Variants in TBX15 observed in about 807,000 individuals in gnomAD.
TBX15 encodes T-box transcription factor 15.
Under a neutral mutation model 53.9 loss-of-function variants are expected in TBX15, and 18 were observed. The observed-to-expected ratio is 0.33, with a 90% CI of 0.23 to 0.49. TBX15 has a LOEUF of 0.49. Ranked by LOEUF, TBX15 falls within the 20% of genes least tolerant of loss-of-function variation. TBX15 has a pLI of 0.98. For missense variants in TBX15, 692 were observed against 749.5 expected, an observed-to-expected ratio of 0.92 and a Z score of 0.90; for synonymous variants, 295 against 278.0, an observed-to-expected ratio of 1.06 and a Z score of -0.61.
At chr1:118,901,020 AT>A (rs1654611853) in intron 6 of TBX15, among the ~76,000 whole-genome samples, 1 of 152,234 alleles carries the variant, frequency 6.6e-6, no homozygotes, top group Non-Finnish European at 1.5e-5. Flanking sequence ...TTCTCAGTTC[AT>A]AATGAAGTGC....
chr1:118,936,859 T>A (rs554087444), intron 1 of TBX15, among the ~76,000 whole-genome samples: 86 of 152,312 alleles, frequency 5.6e-4, no homozygotes, highest in African/African-American at 2.0e-3. Context: ...CTACATTTAA[T>A]TCAATTTTTA....
chr1:118,888,075 T>C (rs956209423), intron 7 of TBX15, among the ~76,000 whole-genome samples: 5 of 152,188 alleles, frequency 3.3e-5, no homozygotes, highest in African/African-American at 9.7e-5. Flanking sequence ...TAAAATCCTT[T>C]AAGAAAAGTA....
At chr1:118,946,050 C>A (rs2101646206) in intron 1 of TBX15, among the ~76,000 whole-genome samples, 1 of 151,960 alleles carries the variant, frequency 6.6e-6, no homozygotes, top group South Asian at 2.1e-4. Flanking sequence ...TTATCAAATG[C>A]AAATTACAAT....
Position 118,884,888 on chromosome 1 carries a change from G to A in TBX15, c.1653C>T (p.Ala551=). The part of the protein sequence containing the change: ...TLLCSSPSNG[A]FGERQYLPSG... ...ACGGCAGGTACTGCCTCTCTCCAAA[G>A]GCCCCGTTGGAAGGAGAAGAACAGA... The change falls in exon 8 of 8, where the codon GCC becomes GCT. Residue 551 remains alanine (A), a synonymous_variant. Coordinates refer to ENST00000369429, the MANE Select transcript of TBX15 (RefSeq NM_001330677.2). 6.2e-7 allele frequency: 1 copy of A among 1,614,222 alleles called. No individual in the cohort carries two copies. Among genetic ancestry groups the A allele is most frequent in the Non-Finnish European group, 8.5e-7 (1 of 1,180,042 alleles).
chr1:118,899,802 A>C (rs1654561211), intron 6 of TBX15, among the ~76,000 whole-genome samples: 1 of 152,202 alleles, frequency 6.6e-6, no homozygotes, highest in Admixed American at 6.5e-5. Context: ...TAACCTAATA[A>C]TCAGTCTGGT....
At chr1:118,977,687 A>T (rs1365140390) in intron 1 of TBX15, among the ~76,000 whole-genome samples, 3 of 152,248 alleles carry the variant, frequency 2.0e-5, no homozygotes, top group Admixed American at 6.5e-5. Context: ...TCCTAGGTGT[A>T]TGCTGGGCAC....
chr1:118,918,800 G>A (rs541418949), intron 5 of TBX15, among the ~76,000 whole-genome samples: 32 of 152,266 alleles, frequency 2.1e-4, no homozygotes, highest in Non-Finnish European at 4.4e-5. Flanking sequence ...GCACCAGGCA[G>A]ACATAAATAG....
chr1:118,968,838 G>A (rs1657139283), intron 1 of TBX15, among the ~76,000 whole-genome samples: 1 of 152,112 alleles, frequency 6.6e-6, no homozygotes, highest in African/African-American at 2.4e-5. Flanking sequence ...TGTTTACCTA[G>A]ACCCTCTTTT....
chr1:118,945,498 A>G (rs1656320080), intron 1 of TBX15, among the ~76,000 whole-genome samples: 1 of 152,172 alleles, frequency 6.6e-6, no homozygotes, highest in South Asian at 2.1e-4. Context: ...CACAGGAGAA[A>G]GAAAGGCTTT....
intron 1 of TBX15, among the ~76,000 whole-genome samples, chr1:118,987,325 C>T (rs753337080): frequency 2.0e-5 from 3 of 152,214 alleles, no homozygotes; most frequent in Non-Finnish European, 4.4e-5. Flanking sequence ...CAGAAAGCTG[C>T]GCTCTCCACC....
intron 1 of TBX15, among the ~76,000 whole-genome samples, chr1:118,951,974 C>G (rs1309918864): frequency 6.6e-6 from 1 of 152,142 alleles, no homozygotes; most frequent in African/African-American, 2.4e-5. Flanking sequence ...GTACACTTGA[C>G]CCTAGAACAC....
At chr1:118,894,893 A>G (rs1654369556) in intron 7 of TBX15, among the ~76,000 whole-genome samples, 1 of 152,156 alleles carries the variant, frequency 6.6e-6, no homozygotes, top group Non-Finnish European at 1.5e-5. Context: ...CAGAATTAGG[A>G]TATTGCTCTC....
At chr1:118,956,041 C>T (rs1009406472) in intron 1 of TBX15, among the ~76,000 whole-genome samples, 3 of 152,070 alleles carry the variant, frequency 2.0e-5, no homozygotes, top group Admixed American at 6.5e-5. Flanking sequence ...CAGAAAGTGA[C>T]CTCGCCCCTT....
chr1:118,889,681 C>G (rs1189960970), intron 7 of TBX15, among the ~76,000 whole-genome samples: 1 of 152,122 alleles, frequency 6.6e-6, no homozygotes. Flanking sequence ...CAACTCCAAG[C>G]CTTTTACATT....
intron 6 of TBX15, among the ~76,000 whole-genome samples, chr1:118,900,493 G>A (rs144665023): frequency 2.4e-4 from 36 of 152,286 alleles, no homozygotes; most frequent in African/African-American, 7.9e-4. Context: ...TTTCCTCTCT[G>A]AACAGGCCTC....
intron 6 of TBX15, among the ~76,000 whole-genome samples, chr1:118,912,754 A>G (rs1380027684): frequency 6.6e-6 from 1 of 152,194 alleles, no homozygotes; most frequent in African/African-American, 2.4e-5. Context: ...CACTGGCTAA[A>G]TTTTGAAAAT....
intron 1 of TBX15, among the ~76,000 whole-genome samples, chr1:118,954,819 T>C (rs1374739851): frequency 6.6e-6 from 1 of 152,222 alleles, no homozygotes; most frequent in East Asian, 1.9e-4. Context: ...CCACAACTGA[T>C]GCACACAGGC....
At chr1:118,949,025 T>A (rs1465372403) in intron 1 of TBX15, among the ~76,000 whole-genome samples, 2 of 151,962 alleles carry the variant, frequency 1.3e-5, no homozygotes, top group Non-Finnish European at 2.9e-5. Context: ...AGCAAATGAG[T>A]TTCAACATGC....
chr1:118,970,037 T>A (rs898164931), intron 1 of TBX15, among the ~76,000 whole-genome samples: 3 of 152,228 alleles, frequency 2.0e-5, no homozygotes, highest in Admixed American at 1.3e-4. Flanking sequence ...TGTGTAGCAC[T>A]TCCCCCTGCG....
Sources: gnomAD v4.1 joint callset for allele counts (sites outside exome capture counted in the v4.1 genomes callset) on GRCh38, gnomAD v4.1.1 for gene constraint, MANE v1.5 for transcripts, NCBI Gene and HGNC (gene_info 2026-07-23, HGNC 2026-07-21) for gene names.